FMN1: variants seen among roughly 807,000 people sequenced by gnomAD.
FMN1 encodes the protein formin-1.
A neutral mutation model predicts 132.4 loss-of-function variants in FMN1; 110 were observed. The ratio of observed to expected loss-of-function variants is 0.83; its 90% confidence interval spans 0.71 to 0.97. The LOEUF (loss-of-function observed/expected upper bound fraction) is 0.97, where lower values mean the gene tolerates loss of function less well. FMN1 is among the 50% of genes least tolerant of loss of function. The pLI, the probability that FMN1 is intolerant of heterozygous loss-of-function variation, is 0.00. For missense variants in FMN1, 1,792 were observed against 1,705.3 expected (o/e 1.05, Z -0.90); for synonymous variants, 722 against 651.7 (o/e 1.11, Z -1.64).
chr15:32,863,231 C>T (rs2059314414), intron 16 of FMN1, among the ~76,000 whole-genome samples: 1 of 152,130 alleles, frequency 6.6e-6, no homozygotes, highest in Non-Finnish European at 1.5e-5. Context: ...ATCACGAGGT[C>T]AGGAGACCAT....
At chr15:33,173,043 G>A (rs906472027) in intron 3 of FMN1, among the ~76,000 whole-genome samples, 9 of 152,110 alleles carry the variant, frequency 5.9e-5, no homozygotes, top group South Asian at 2.1e-4. Context: ...GAACAATGAC[G>A]GAGCAGCTGA....
chr15:32,893,920 C>T (rs775863043), intron 15 of FMN1, among the ~76,000 whole-genome samples: 13 of 152,246 alleles, frequency 8.5e-5, no homozygotes, highest in Non-Finnish European at 1.8e-4. Context: ...CCCATGCCAA[C>T]CTAGGGTTAG....
intron 8 of FMN1, among the ~76,000 whole-genome samples, chr15:32,968,079 C>T (rs1484889973): frequency 6.6e-6 from 1 of 152,222 alleles, no homozygotes; most frequent in Non-Finnish European, 1.5e-5. Context: ...ATGGAAGATG[C>T]TTTCAGCTAT....
intron 8 of FMN1, among the ~76,000 whole-genome samples, chr15:32,967,122 T>C (rs2031313858): frequency 6.6e-6 from 1 of 152,242 alleles, no homozygotes; most frequent in Non-Finnish European, 1.5e-5. Flanking sequence ...CCTAGATTTA[T>C]GATGAAACCA....
chr15:32,796,556 A>G (rs1203447935), intron 19 of FMN1, among the ~76,000 whole-genome samples: 1 of 152,246 alleles, frequency 6.6e-6, no homozygotes, highest in Non-Finnish European at 1.5e-5. Flanking sequence ...AATTGAAACT[A>G]TAATATCAAA....
chr15:33,157,569 C>A (rs150564566), intron 3 of FMN1, among the ~76,000 whole-genome samples: 2,090 of 152,292 alleles, frequency 0.014, 52 homozygotes, highest in African/African-American at 0.047. Context: ...CACCTACTGC[C>A]TTCTACTAAC....
intron 5 of FMN1, among the ~76,000 whole-genome samples, chr15:33,079,569 G>C (rs1191827278): frequency 6.6e-6 from 1 of 152,270 alleles, no homozygotes; most frequent in African/African-American, 2.4e-5. Flanking sequence ...GTTGGAGTGA[G>C]CTGAGATCAT....
chr15:32,906,138 A>T (rs2141631513), intron 12 of FMN1, among the ~76,000 whole-genome samples: 1 of 152,346 alleles, frequency 6.6e-6, no homozygotes, highest in African/African-American at 2.4e-5. Flanking sequence ...ACAGTAGCAG[A>T]AACGCATGAT....
intron 4 of FMN1, among the ~76,000 whole-genome samples, chr15:33,124,577 T>TG (rs1297646258): frequency 2.0e-5 from 3 of 152,194 alleles, no homozygotes; most frequent in Non-Finnish European, 4.4e-5. Context: ...GGAAAGCCCT[T>TG]GGTCTTCACC....
chr15:32,876,512 G>A (rs1011461479), intron 16 of FMN1, among the ~76,000 whole-genome samples: 1 of 152,172 alleles, frequency 6.6e-6, no homozygotes, highest in East Asian at 1.9e-4. Context: ...TTAACAAATG[G>A]ATCACAGCAG....
chr15:33,079,588 A>G (rs564107170), intron 5 of FMN1, among the ~76,000 whole-genome samples: 1 of 152,348 alleles, frequency 6.6e-6, no homozygotes, highest in East Asian at 1.9e-4. Flanking sequence ...ATGCCACTGC[A>G]CTCCAGCCTC....
At chr15:32,951,383 TAA>T (rs2061649250) in intron 9 of FMN1, among the ~76,000 whole-genome samples, 1 of 151,968 alleles carries the variant, frequency 6.6e-6, no homozygotes, top group Admixed American at 6.6e-5. Context: ...AGAATCTGGC[TAA>T]AATTCATTTG....
chr15:32,815,526 C>G (rs566577989), intron 17 of FMN1, among the ~76,000 whole-genome samples: 3 of 152,210 alleles, frequency 2.0e-5, no homozygotes, highest in South Asian at 2.1e-4. Context: ...CACTTGAAAA[C>G]TATGGAGCTA....
At chr15:32,919,743 T>C (rs1173454310) in intron 10 of FMN1, among the ~76,000 whole-genome samples, 1 of 152,198 alleles carries the variant, frequency 6.6e-6, no homozygotes, top group Non-Finnish European at 1.5e-5. Context: ...ACTGAGATTG[T>C]TCCTCAGGAA....
intron 9 of FMN1, among the ~76,000 whole-genome samples, chr15:32,939,766 C>T (rs890159662): frequency 4.6e-5 from 7 of 152,138 alleles, no homozygotes; most frequent in African/African-American, 1.2e-4. Context: ...CAACGAATCA[C>T]ACCTTCCATA....
At chr15:32,822,880 G>A (rs572288268) in intron 17 of FMN1, among the ~76,000 whole-genome samples, 2 of 152,054 alleles carry the variant, frequency 1.3e-5, no homozygotes, top group African/African-American at 4.8e-5. Context: ...TGTTTTTTCA[G>A]GTGTAAATTC....
At chr15:33,126,241 G>A (rs1049157655) in intron 4 of FMN1, among the ~76,000 whole-genome samples, 46 of 152,192 alleles carry the variant, frequency 3.0e-4, no homozygotes, top group African/African-American at 9.4e-4. Flanking sequence ...AGACTTCAGA[G>A]AAGGAAGATG....
At chr15:32,777,060 A>C in intron 19 of FMN1, 141 bp from the exon 20 acceptor site, 1 of 587,822 alleles carries the variant, frequency 1.7e-6, no homozygotes, top group Non-Finnish European at 3.0e-6. Context: ...AAAATACTGA[A>C]ATGTTTTTTC....
At chr15:32,997,597 C>A (rs2033850178) in intron 7 of FMN1, among the ~76,000 whole-genome samples, 1 of 152,118 alleles carries the variant, frequency 6.6e-6, no homozygotes, top group Non-Finnish European at 1.5e-5. Context: ...TGGTACCTGG[C>A]ACAGAGCTGG....
Sources: allele counts gnomAD v4.1 joint callset (sites outside exome capture counted in the v4.1 genomes callset), GRCh38; gene constraint gnomAD v4.1.1; transcripts MANE v1.5; gene names NCBI Gene and HGNC (gene_info 2026-07-23, HGNC 2026-07-21).